ATP8B4: variants seen among roughly 807,000 people sequenced by gnomAD.
ATP8B4 encodes ATPase phospholipid transporting 8B4 (putative), also known as probable phospholipid-transporting ATPase IM.
In ATP8B4, 133 loss-of-function variants were observed where a neutral mutation model predicts 145.6. That is an observed-to-expected ratio of 0.91 (90% CI 0.79 to 1.05). The LOEUF is 1.05. Ranked by LOEUF, ATP8B4 falls within the 50% of genes least tolerant of loss-of-function variation. The probability of loss-of-function intolerance (pLI) is 0.00; values close to 1 mark genes in which losing one functional copy is unlikely to be tolerated. For synonymous variants in ATP8B4, 507 were observed against 492.9 expected (o/e 1.03, Z -0.38); for missense variants, 1,458 against 1,425.2 (o/e 1.02, Z -0.37).
At chr15:49,904,815 A>G (rs2038422797) in intron 20 of ATP8B4, among the ~76,000 whole-genome samples, 1 of 152,248 alleles carries the variant, frequency 6.6e-6, no homozygotes, top group East Asian at 1.9e-4. Context: ...TTTGCTGATT[A>G]AAGAAGAAAT....
chr15:50,014,990 T>A (rs1458088387), intron 6 of ATP8B4, among the ~76,000 whole-genome samples: 1 of 152,184 alleles, frequency 6.6e-6, no homozygotes, highest in Non-Finnish European at 1.5e-5. Flanking sequence ...GCCACGAAAA[T>A]GTCCATCAAT....
At chr15:50,103,043 TC>T (rs1398494517) in intron 2 of ATP8B4, among the ~76,000 whole-genome samples, 2 of 152,136 alleles carry the variant, frequency 1.3e-5, no homozygotes, top group Admixed American at 6.5e-5. Flanking sequence ...AAATCCAGCA[TC>T]CCTTTATGAT....
intron 19 of ATP8B4, 110 bp from the exon 20 acceptor site, chr15:49,917,149 C>T: frequency 2.0e-6 from 2 of 987,226 alleles, no homozygotes; most frequent in South Asian, 1.5e-5. Flanking sequence ...CTACAGGGGG[C>T]TGATGTCAGA....
chr15:50,013,810 C>T (rs1015222486), intron 6 of ATP8B4, among the ~76,000 whole-genome samples: 1 of 152,152 alleles, frequency 6.6e-6, no homozygotes, highest in Admixed American at 6.5e-5. Context: ...GAGATAGCAA[C>T]TGCAACTAAT....
At chr15:50,045,276 G>T (rs141902919) in intron 4 of ATP8B4, among the ~76,000 whole-genome samples, 1 of 152,062 alleles carries the variant, frequency 6.6e-6, no homozygotes, top group Non-Finnish European at 1.5e-5. Flanking sequence ...GCAGACCTGG[G>T]TATCATGTCC....
chr15:50,073,005 T>C (rs1346488485), intron 3 of ATP8B4, among the ~76,000 whole-genome samples: 1 of 57,920 alleles, frequency 1.7e-5, no homozygotes, highest in African/African-American at 9.8e-5. Flanking sequence ...TATATATATA[T>C]ATATATATAT....
At chr15:50,041,331 T>C (rs1447924861) in intron 5 of ATP8B4, among the ~76,000 whole-genome samples, 1 of 152,224 alleles carries the variant, frequency 6.6e-6, no homozygotes, top group Non-Finnish European at 1.5e-5. Flanking sequence ...CCTTTGAGAA[T>C]TGAGCTCTAT....
intron 1 of ATP8B4, among the ~76,000 whole-genome samples, chr15:50,157,086 C>T (rs1293488762): frequency 1.3e-5 from 2 of 152,058 alleles, no homozygotes; most frequent in Non-Finnish European, 2.9e-5. Flanking sequence ...AAATTAGGCA[C>T]AGAGAAAGAA....
chr15:50,107,152 T>G (rs1410875209), intron 1 of ATP8B4, 144 bp from the exon 2 acceptor site: 7 of 504,806 alleles, frequency 1.4e-5, no homozygotes, highest in Non-Finnish European at 2.4e-5. Context: ...TTTATGAGGC[T>G]TTAGTCCAGC....
chr15:49,980,575 T>C (rs2046068613), intron 11 of ATP8B4, among the ~76,000 whole-genome samples: 1 of 149,516 alleles, frequency 6.7e-6, no homozygotes, highest in Non-Finnish European at 1.5e-5. Context: ...GAATCAGAAG[T>C]AAAAAAAAAA....
intron 6 of ATP8B4, 93 bp downstream of exon 6, chr15:50,038,675 A>G: frequency 1.1e-6 from 1 of 904,400 alleles, no homozygotes; most frequent in Non-Finnish European, 1.7e-6. Context: ...AAAAAGAATC[A>G]TGTATCTAAT....
chr15:50,086,121 TATTA>T (rs1222186061), intron 2 of ATP8B4, among the ~76,000 whole-genome samples: 1 of 109,660 alleles, frequency 9.1e-6, no homozygotes, highest in East Asian at 2.6e-4. Flanking sequence ...TATAGATCTA[TATTA>T]TATATAATAA....
chr15:50,000,955 G>T (rs1277259447), intron 8 of ATP8B4, among the ~76,000 whole-genome samples: 4 of 151,910 alleles, frequency 2.6e-5, no homozygotes, highest in African/African-American at 9.7e-5. Context: ...AAATTTATGT[G>T]TGCACAGTTG....
At chr15:49,901,916 C>T (rs1348638974) in intron 20 of ATP8B4, 8 of 356,962 alleles carry the variant, frequency 2.2e-5, no homozygotes, top group East Asian at 1.6e-4. Flanking sequence ...CAAATGGAAA[C>T]GCCCTCCAAA....
At chr15:50,153,800 A>T (rs757921232) in intron 1 of ATP8B4, among the ~76,000 whole-genome samples, 3 of 152,240 alleles carry the variant, frequency 2.0e-5, no homozygotes, top group Non-Finnish European at 2.9e-5. Context: ...TGAAAAAGAC[A>T]GCATTTCCAA....
intron 23 of ATP8B4, among the ~76,000 whole-genome samples, chr15:49,885,512 T>G (rs2036081760): frequency 6.6e-6 from 1 of 152,226 alleles, no homozygotes; most frequent in African/African-American, 2.4e-5. Context: ...TGGTAGATAC[T>G]CTACAAATAT....
rs992560470 is a variant in ATP8B4 at position 50,054,785 on chromosome 15, AAAAAAAAAAAAAAAAAAAAAAAAAC to A, written c.88-7346_88-7322del. On this transcript the variant is annotated intron_variant, in intron 3 of 27. Coordinates refer to ENST00000284509, the MANE Select transcript of ATP8B4 (RefSeq NM_024837.4). The stretch of plus-strand genomic sequence containing the variant: ...GGCGACAGAGGGAGACTCCGCCTCA[AAAAAAAAAAAAAAAAAAAAAAAAAC>A]AAAAAAAAAAAAACACCAACCTCAG... Among the ~76,000 whole-genome samples, 24 of 6,274 alleles carry A rather than the reference AAAAAAAAAAAAAAAAAAAAAAAAAC, an allele frequency of 3.8e-3. No individual in the cohort carries two copies. In the East Asian group the frequency reaches 0.091, roughly 24 times the overall value. 4.1% of individuals were successfully genotyped at this position (6,274 alleles called of 152,430 possible). A position where few individuals can be genotyped will look rare whatever the true frequency, so the allele number is the denominator to read the frequency against.
chr15:50,065,238 A>T (rs2053298255), intron 3 of ATP8B4, among the ~76,000 whole-genome samples: 1 of 152,214 alleles, frequency 6.6e-6, no homozygotes, highest in African/African-American at 2.4e-5. Context: ...ATTTGTCAAA[A>T]AAAAGAAACT....
At chr15:50,110,353 G>A (rs1417659578) in intron 1 of ATP8B4, among the ~76,000 whole-genome samples, 1 of 152,192 alleles carries the variant, frequency 6.6e-6, no homozygotes, top group Non-Finnish European at 1.5e-5. Context: ...GCAGATTCTA[G>A]TTTAACTCTA....
Sources: allele counts gnomAD v4.1 joint callset (sites outside exome capture counted in the v4.1 genomes callset), GRCh38; gene constraint gnomAD v4.1.1; transcripts MANE v1.5; gene names NCBI Gene and HGNC (gene_info 2026-07-23, HGNC 2026-07-21).